Variants in GPC3 observed in about 807,000 individuals in gnomAD.
GPC3 encodes glypican 3, also known as glypican-3.
In GPC3, 3 loss-of-function variants were observed where a neutral mutation model predicts 34.4. That is an observed-to-expected ratio of 0.09 (90% CI 0.04 to 0.23). GPC3 has a LOEUF of 0.23. GPC3 is among the 10% of genes least tolerant of loss of function. The probability of loss-of-function intolerance (pLI) is 1.00; values close to 1 mark genes in which losing one functional copy is unlikely to be tolerated. For missense variants in GPC3, 351 were observed against 445.6 expected (o/e 0.79, Z 1.91); for synonymous variants, 177 against 174.0 (o/e 1.02, Z -0.13).
At position 133,548,853 on chromosome X, in the gene GPC3, G is replaced by A. The variant is rs142345224; in HGVS notation, c.1574-12560C>T. ...GTCTCCCTGCACAAGCTCTCTTTTTGCCTGCCGCCATCCACATAAGATGTG... is the reference window on the plus strand; with the variant it reads ...GTCTCCCTGCACAAGCTCTCTTTTTACCTGCCGCCATCCACATAAGATGTG... On this transcript the variant is annotated intron_variant, in intron 7 of 7. Transcript: ENST00000370818. Among the ~76,000 whole-genome samples, 362 of 111,197 alleles carry A rather than the reference G, an allele frequency of 3.3e-3. 1 individual carries two copies. The highest frequency in any genetic ancestry group is 0.011 in the African/African-American group (339 of 30,601).
At chrX:133,719,644 AT>A (rs1203278643) in intron 3 of GPC3, among the ~76,000 whole-genome samples, 24 of 111,789 alleles carry the variant, frequency 2.1e-4, no homozygotes, top group African/African-American at 7.5e-4. Flanking sequence ...AAAATAAAAA[AT>A]AAAAAAAAGG....
At chrX:133,693,043 TTTG>T (rs767852004) in intron 4 of GPC3, among the ~76,000 whole-genome samples, 5 of 111,586 alleles carry the variant, frequency 4.5e-5, no homozygotes, top group Non-Finnish European at 7.5e-5. Context: ...GGAAGGTTTC[TTTG>T]TTATTTGTAT....
At chrX:133,613,399 G>A (rs2070129873) in intron 6 of GPC3, among the ~76,000 whole-genome samples, 1 of 111,666 alleles carries the variant, frequency 9.0e-6, no homozygotes, top group African/African-American at 3.2e-5. Context: ...ACAACATAGT[G>A]GAATTATGAA....
intron 2 of GPC3, among the ~76,000 whole-genome samples, chrX:133,768,136 C>CATT (rs201220118): frequency 0.047 from 5,235 of 110,801 alleles, 340 homozygotes; most frequent in African/African-American, 0.16. Flanking sequence ...TGTAATTTAT[C>CATT]ATTATTTGAT....
At chrX:133,736,678 G>C (rs947849564) in intron 3 of GPC3, among the ~76,000 whole-genome samples, 3 of 111,969 alleles carry the variant, frequency 2.7e-5, no homozygotes, top group South Asian at 3.7e-4. Flanking sequence ...CTAATCTATA[G>C]AGACAGATAG....
chrX:133,816,386 ACTTGTTCTTGATGG>A (rs753096893), intron 2 of GPC3, among the ~76,000 whole-genome samples: 27 of 111,329 alleles, frequency 2.4e-4, no homozygotes, highest in South Asian at 7.7e-4. Flanking sequence ...GCTTATCAAA[ACTTGTTCTTGATGG>A]CTTGTTCTTC....
intron 1 of GPC3, among the ~76,000 whole-genome samples, chrX:133,967,753 C>A (rs1212420055): frequency 8.9e-6 from 1 of 111,952 alleles, no homozygotes; most frequent in Admixed American, 9.5e-5. Context: ...CTCAGCTTCC[C>A]AAGTAACTGG....
intron 4 of GPC3, among the ~76,000 whole-genome samples, chrX:133,693,192 T>G (rs1024414509): frequency 4.8e-5 from 5 of 104,758 alleles, no homozygotes; most frequent in Non-Finnish European, 7.7e-5. Flanking sequence ...TGTGTGTGTG[T>G]GTGTGTGTGA....
At chrX:133,643,910 C>A (rs1479536047) in intron 6 of GPC3, among the ~76,000 whole-genome samples, 2 of 107,256 alleles carry the variant, frequency 1.9e-5, no homozygotes, top group Non-Finnish European at 3.8e-5. Context: ...TCAGTGCAAC[C>A]TCTGCCTTCC....
intron 2 of GPC3, among the ~76,000 whole-genome samples, chrX:133,862,951 C>G (rs2075945114): frequency 1.8e-5 from 2 of 112,805 alleles, no homozygotes; most frequent in South Asian, 7.3e-4. Context: ...GAAGCCGTTG[C>G]TCACACAACA....
At chrX:133,957,639 A>G (rs1355525499) in intron 1 of GPC3, among the ~76,000 whole-genome samples, 3 of 112,097 alleles carry the variant, frequency 2.7e-5, no homozygotes, top group African/African-American at 9.7e-5. Context: ...TAAGCCAAGA[A>G]CTGGTACGTA....
chrX:133,596,629 C>CTCT, intron 6 of GPC3, 30 bp from the exon 7 acceptor site: 4 of 1,192,283 alleles, frequency 3.4e-6, no homozygotes, highest in Non-Finnish European at 4.6e-6. Flanking sequence ...AATGCATCAG[C>CTCT]TCTTCATATT....
At chrX:133,728,533 G>A (rs1488693480) in intron 3 of GPC3, among the ~76,000 whole-genome samples, 1 of 112,423 alleles carries the variant, frequency 8.9e-6, no homozygotes. Flanking sequence ...TACTCAATAT[G>A]TTTATCCAAC....
chrX:133,751,691 T>A (rs1193005593), intron 3 of GPC3, among the ~76,000 whole-genome samples: 1 of 111,638 alleles, frequency 9.0e-6, no homozygotes, highest in South Asian at 3.7e-4. Flanking sequence ...TAGTTCAGAG[T>A]GCACAGCAGT....
At chrX:133,807,356 C>T (rs1355648087) in intron 2 of GPC3, among the ~76,000 whole-genome samples, 1 of 112,004 alleles carries the variant, frequency 8.9e-6, no homozygotes, top group Non-Finnish European at 1.9e-5. Context: ...GAAGCAGATG[C>T]TGGCACCATG....
intron 2 of GPC3, among the ~76,000 whole-genome samples, chrX:133,895,620 A>T (rs1317729657): frequency 9.0e-6 from 1 of 111,583 alleles, no homozygotes; most frequent in Non-Finnish European, 1.9e-5. Context: ...CCCTCAGATA[A>T]CAGGGTCCCA....
At chrX:133,670,783 CT>C in intron 5 of GPC3, among the ~76,000 whole-genome samples, 1 of 112,058 alleles carries the variant, frequency 8.9e-6, no homozygotes, top group Non-Finnish European at 1.9e-5. Context: ...AGAAAACGTC[CT>C]TTTCTTTATC....
chrX:133,671,216 T>A, intron 5 of GPC3: 8 of 1,173,269 alleles, frequency 6.8e-6, no homozygotes, highest in Non-Finnish European at 9.2e-6. Flanking sequence ...GATTTATGAT[T>A]CCCTGGATTA....
intron 1 of GPC3, among the ~76,000 whole-genome samples, chrX:133,971,241 G>A (rs930581629): frequency 1.8e-5 from 2 of 112,537 alleles, no homozygotes; most frequent in African/African-American, 6.5e-5. Flanking sequence ...ACACAAGTCA[G>A]GTCATCTAGC....
Sources: allele counts gnomAD v4.1 joint callset (sites outside exome capture counted in the v4.1 genomes callset), GRCh38; gene constraint gnomAD v4.1.1; transcripts MANE v1.5; gene names NCBI Gene and HGNC (gene_info 2026-07-23, HGNC 2026-07-21).